Variants in MDGA1 observed in about 807,000 individuals in gnomAD.
The protein encoded by MDGA1 is MAM domain-containing glycosylphosphatidylinositol anchor protein 1.
MDGA1 carries 54 observed loss-of-function variants against 101.5 expected under a neutral mutation model. The observed-to-expected ratio is 0.53, with a 90% CI of 0.43 to 0.67. The LOEUF is 0.67. Ranked by LOEUF, MDGA1 falls within the 30% of genes least tolerant of loss-of-function variation. The pLI is 0.00. For synonymous variants in MDGA1, 533 were observed against 558.3 expected, an observed-to-expected ratio of 0.95 and a Z score of 0.64; for missense variants, 1,083 against 1,323.8, an observed-to-expected ratio of 0.82 and a Z score of 2.82.
At chr6:37,685,756 T>A (rs905208477) in intron 1 of MDGA1, among the ~76,000 whole-genome samples, 2 of 152,070 alleles carry the variant, frequency 1.3e-5, no homozygotes, top group African/African-American at 4.8e-5. Context: ...GACTGTCACT[T>A]GAATGTCTGG....
At chr6:37,682,310 C>G (rs958748406) in intron 1 of MDGA1, among the ~76,000 whole-genome samples, 1 of 152,148 alleles carries the variant, frequency 6.6e-6, no homozygotes, top group Non-Finnish European at 1.5e-5. Flanking sequence ...CATAGCGAAA[C>G]CCGGTCTCTA....
Position 37,638,160 on chromosome 6 carries a change from A to C in MDGA1, c.2776+45T>G. The C allele has an allele frequency of 6.6e-7, 1 of 1,525,042 alleles. No homozygotes were observed. 94.5% of individuals were successfully genotyped at this position (1,525,042 alleles called of 1,614,324 possible). On this transcript the variant is annotated intron_variant, in intron 16 of 16. Transcript: ENST00000434837. This position sits in a 1 kb window ranked among gnomAD's most constrained non-coding sequence, Gnocchi z 4.8. ...ACAGACAGGAACCCCCGCCACGCAC[A>C]GCTCCCTCCAGATTCAGCTCCCCCA...
chr6:37,667,570 C>T (rs1007561907), intron 1 of MDGA1, among the ~76,000 whole-genome samples: 1 of 152,144 alleles, frequency 6.6e-6, no homozygotes, highest in Non-Finnish European at 1.5e-5. Flanking sequence ...AAGAGATAGC[C>T]ATCTGTGGCC....
intron 1 of MDGA1, among the ~76,000 whole-genome samples, chr6:37,674,474 T>G (rs560539267): frequency 6.6e-6 from 1 of 152,344 alleles, no homozygotes; most frequent in South Asian, 2.1e-4. Context: ...AACTCTCCTC[T>G]GCTGCAAGTG....
intron 7 of MDGA1, 132 bp downstream of exon 7, chr6:37,651,879 G>C: frequency 1.4e-6 from 1 of 730,970 alleles, no homozygotes; most frequent in South Asian, 1.9e-5. Context: ...CTCAATAAAA[G>C]CACGTGGCAT....
chr6:37,656,230 A>T (rs1761484241), intron 3 of MDGA1, among the ~76,000 whole-genome samples: 1 of 151,994 alleles, frequency 6.6e-6, no homozygotes, highest in Admixed American at 6.6e-5. Flanking sequence ...GGCATATGCC[A>T]CCATGCCCAG....
intron 8 of MDGA1, chr6:37,649,885 A>T: frequency 2.8e-6 from 2 of 711,816 alleles, no homozygotes; most frequent in Admixed American, 4.1e-5. Flanking sequence ...TTTTTTGTTC[A>T]CCGGGTCCCT....
In MDGA1 at chr6:37,650,238, TCTC is replaced by T. The variant is rs1561844703; in HGVS notation, c.1477_1479del (p.Glu493del). 1 of 1,610,898 alleles carries T rather than the reference TCTC, an allele frequency of 6.2e-7. No individual in the cohort carries two copies. The highest frequency in any genetic ancestry group is 1.7e-5 in the Admixed American group (1 of 59,838). ...TCCAGCCGCAGCTTCCCGTCCGGAG[TCTC>T]CTCCAGGGGCAGCCCCGAGGGCAGC... On this transcript the variant is annotated inframe_deletion, in exon 8 of 17. Coordinates refer to ENST00000434837, the MANE Select transcript of MDGA1 (RefSeq NM_153487.4).
At chr6:37,661,491 CT>C (rs960232224) in intron 2 of MDGA1, among the ~76,000 whole-genome samples, 5 of 152,176 alleles carry the variant, frequency 3.3e-5, no homozygotes, top group Admixed American at 2.0e-4. Flanking sequence ...ATAGGGGCAT[CT>C]TTAGGACCCA....
rs1209369910 is a variant in MDGA1, at chr6:37,646,240, C to T, written c.2182G>A (p.Gly728Arg). 9 of 1,597,754 alleles carry T rather than the reference C, an allele frequency of 5.6e-6. No individual in the cohort carries two copies. Among genetic ancestry groups the T allele is most frequent in the South Asian group, 1.1e-5 (1 of 88,756 alleles). ...ATGCGGGAGGCCATGTCACCAGCCCCGAAGGTGGTATAGGGTGTGAGGCGG... is the reference window on the plus strand; with the variant it reads ...ATGCGGGAGGCCATGTCACCAGCCCTGAAGGTGGTATAGGGTGTGAGGCGG... The part of the protein sequence containing the change: ...EVRLTPYTTF[G>R]AGDMASRIIH... The change falls in exon 11 of 17, where the codon GGG becomes AGG. Residue 728 changes from glycine (G) to arginine (R), a missense_variant. Physicochemically the swap from Gly to Arg is moderately radical, Grantham distance 125. Around this residue, in one of 3 missense-constraint regions of MDGA1, gnomAD observed 657 missense variants for 771.4 expected, o/e 0.85. Transcript: ENST00000434837.
chr6:37,644,461 C>T (rs1764176760), intron 13 of MDGA1, 36 bp downstream of exon 13: 1 of 1,506,932 alleles, frequency 6.6e-7, no homozygotes. Context: ...CCCCCTGAAG[C>T]AATCCTCCAT....
intron 10 of MDGA1, 70 bp downstream of exon 10, chr6:37,647,103 G>A: frequency 1.4e-6 from 2 of 1,417,520 alleles, no homozygotes; most frequent in South Asian, 1.2e-5. Flanking sequence ...CTCTGGCCTT[G>A]ATGAGCATTT....
At chr6:37,662,278 GAAGAA>G (rs1199162677) in intron 2 of MDGA1, among the ~76,000 whole-genome samples, 3 of 152,000 alleles carry the variant, frequency 2.0e-5, no homozygotes, top group African/African-American at 7.2e-5. Flanking sequence ...GAGGGGTAAT[GAAGAA>G]AAGAGAAGAG....
chr6:37,672,669 C>G (rs1352174036), intron 1 of MDGA1, among the ~76,000 whole-genome samples: 1 of 152,210 alleles, frequency 6.6e-6, no homozygotes, highest in Non-Finnish European at 1.5e-5. Flanking sequence ...CTCCCAGAAG[C>G]ATCACTGAGT....
intron 3 of MDGA1, among the ~76,000 whole-genome samples, chr6:37,656,839 C>T (rs187747097): frequency 2.1e-3 from 319 of 152,272 alleles, no homozygotes; most frequent in African/African-American, 7.2e-3. Flanking sequence ...ACCTAAGTCC[C>T]TTCTCTCTCT....
chr6:37,655,292 C>T lies in MDGA1; in HGVS notation c.580-360G>A. On this transcript the variant is annotated intron_variant, in intron 4 of 16. Coordinates refer to ENST00000434837, the MANE Select transcript of MDGA1 (RefSeq NM_153487.4). This position sits in a 1 kb window ranked among gnomAD's most constrained non-coding sequence, Gnocchi z 5.1. ...CCTGCAGCCACCGCTGAAAGCCCTC[C>T]TTGGCAGAATGGCATCACCACCATC... 1 of 353,512 alleles carries T rather than the reference C, an allele frequency of 2.8e-6. No homozygotes were observed. Among genetic ancestry groups the T allele is most frequent in the Non-Finnish European group, 5.2e-6 (1 of 193,952 alleles). 21.9% of individuals were successfully genotyped at this position (353,512 alleles called of 1,614,324 possible).
At chr6:37,646,126 CAT>C in intron 11 of MDGA1, 70 bp downstream of exon 11, 1 of 1,553,540 alleles carries the variant, frequency 6.4e-7, no homozygotes, top group Non-Finnish European at 8.7e-7. Flanking sequence ...TTAGGAACCA[CAT>C]GAGGATGGTG....
intron 14 of MDGA1, chr6:37,639,502 C>T (rs1764013973): frequency 6.6e-6 from 1 of 152,316 alleles, no homozygotes; most frequent in Non-Finnish European, 1.5e-5. Flanking sequence ...GCCTTCCACA[C>T]CTGATCTGGG....
In MDGA1 at chr6:37,659,003, C is replaced by G. The variant is rs1484678311; in HGVS notation, c.208-584G>C. Among the ~76,000 whole-genome samples the G allele has an allele frequency of 3.4e-5, 5 of 147,538 alleles. No individual in the cohort carries two copies. The East Asian group carries it at 9.9e-4, about 29-fold the overall frequency. On this transcript the variant is annotated intron_variant, in intron 2 of 16. Transcript: ENST00000434837. Reference sequence around the variant, plus strand: ...AAAAAAAAAAAAGACTGATTTCCATCTTGGTCAGTCATTCCAGGGAAAGCC... The same window carrying G: ...AAAAAAAAAAAAGACTGATTTCCATGTTGGTCAGTCATTCCAGGGAAAGCC...
Sources: allele counts gnomAD v4.1 joint callset (sites outside exome capture counted in the v4.1 genomes callset), GRCh38; gene constraint gnomAD v4.1.1; regional missense constraint gnomAD v4.1.1; non-coding constraint Gnocchi (gnomAD v3.1); transcripts MANE v1.5; gene names NCBI Gene and HGNC (gene_info 2026-07-23, HGNC 2026-07-21).